PEX5L: variants seen among roughly 807,000 people sequenced by gnomAD.
PEX5L encodes PEX5-related protein.
A neutral mutation model predicts 84.0 loss-of-function variants in PEX5L; 30 were observed. The ratio of observed to expected loss-of-function variants is 0.36; its 90% CI spans 0.27 to 0.48. The LOEUF (loss-of-function observed/expected upper bound fraction) is 0.48, where lower values mean the gene tolerates loss of function less well. PEX5L is among the 20% of genes least tolerant of loss of function. PEX5L has a pLI of 0.99. For missense variants in PEX5L, 533 were observed against 754.6 expected (o/e 0.71, Z 3.44); for synonymous variants, 270 against 283.1 (o/e 0.95, Z 0.46).
chr3:179,936,600 T>G (rs1774699824), intron 2 of PEX5L, among the ~76,000 whole-genome samples: 1 of 36,830 alleles, frequency 2.7e-5, no homozygotes, highest in African/African-American at 1.0e-4. Context: ...AAACCTTCAA[T>G]TTGTAAAGGA....
At chr3:180,001,947 C>T (rs758308494) in intron 1 of PEX5L, among the ~76,000 whole-genome samples, 3 of 152,078 alleles carry the variant, frequency 2.0e-5, no homozygotes, top group Admixed American at 6.6e-5. Flanking sequence ...TACATATAGA[C>T]GTTAGCTGGG....
chr3:179,809,368 G>A, intron 12 of PEX5L, 103 bp downstream of exon 12: 1 of 822,072 alleles, frequency 1.2e-6, no homozygotes, highest in Non-Finnish European at 2.1e-6. Context: ...AAACCATTCT[G>A]GAGTGGGTGG....
intron 4 of PEX5L, among the ~76,000 whole-genome samples, 154 bp downstream of exon 4, chr3:179,887,519 G>T (rs1447753979): frequency 6.6e-6 from 1 of 152,170 alleles, no homozygotes; most frequent in Admixed American, 6.5e-5. Context: ...CAATTTCTGT[G>T]ATTTATTGGT....
chr3:179,978,983 C>T (rs967999688), intron 1 of PEX5L, among the ~76,000 whole-genome samples: 2 of 152,250 alleles, frequency 1.3e-5, no homozygotes, highest in African/African-American at 4.8e-5. Context: ...CTATGAAAAA[C>T]AGCAAACAAC....
At chr3:179,967,710 T>C (rs1783706406) in intron 2 of PEX5L, among the ~76,000 whole-genome samples, 1 of 152,122 alleles carries the variant, frequency 6.6e-6, no homozygotes, top group African/African-American at 2.4e-5. Context: ...GGTTGAAGAA[T>C]GTTAAATTTA....
At chr3:179,832,400 G>T (rs1733397615) in intron 8 of PEX5L, among the ~76,000 whole-genome samples, 3 of 116,190 alleles carry the variant, frequency 2.6e-5, no homozygotes, top group Admixed American at 8.9e-5. Context: ...ACCAACCTTT[G>T]TATTTACTTA....
chr3:180,020,813 T>A (rs1230547190), intron 1 of PEX5L, among the ~76,000 whole-genome samples: 1 of 152,210 alleles, frequency 6.6e-6, no homozygotes, highest in African/African-American at 2.4e-5. Context: ...AAATGCTTAA[T>A]CTATACTAGT....
intron 7 of PEX5L, among the ~76,000 whole-genome samples, chr3:179,862,085 G>T (rs904259711): frequency 2.0e-5 from 3 of 152,180 alleles, no homozygotes; most frequent in African/African-American, 7.2e-5. Flanking sequence ...TGAAGGCTCT[G>T]GGGGAGAATC....
At chr3:179,802,863 GT>G (rs201967991) in intron 14 of PEX5L, among the ~76,000 whole-genome samples, 61 of 145,918 alleles carry the variant, frequency 4.2e-4, no homozygotes, top group South Asian at 2.0e-3. Flanking sequence ...CAAATTTCTT[GT>G]TTTTTTTTTT....
intron 1 of PEX5L, among the ~76,000 whole-genome samples, chr3:180,009,516 T>C (rs1266261656): frequency 6.6e-6 from 1 of 151,764 alleles, no homozygotes; most frequent in Non-Finnish European, 1.5e-5. Flanking sequence ...GTAAAAATGA[T>C]CAAGGAAGCA....
intron 8 of PEX5L, among the ~76,000 whole-genome samples, chr3:179,841,547 T>G (rs1221281893): frequency 6.6e-6 from 1 of 152,242 alleles, no homozygotes; most frequent in African/African-American, 2.4e-5. Flanking sequence ...AAGGCAGAGA[T>G]GGTGTCTCTT....
intron 3 of PEX5L, among the ~76,000 whole-genome samples, chr3:179,888,413 T>G (rs750137264): frequency 6.6e-6 from 1 of 152,232 alleles, no homozygotes; most frequent in Non-Finnish European, 1.5e-5. Flanking sequence ...TTATAAAATC[T>G]ATTTGTAAAA....
chr3:179,997,080 G>T (rs550572551), intron 1 of PEX5L, among the ~76,000 whole-genome samples: 15 of 152,244 alleles, frequency 9.9e-5, no homozygotes, highest in African/African-American at 3.6e-4. Context: ...ATGAAGGGGA[G>T]GCTGGGTCCC....
At chr3:179,941,984 G>A (rs180788441) in intron 2 of PEX5L, among the ~76,000 whole-genome samples, 80 of 126,652 alleles carry the variant, frequency 6.3e-4, no homozygotes, top group Admixed American at 6.1e-3. Flanking sequence ...TCGCGCCACT[G>A]CACTCCAACC....
At chr3:179,834,679 C>T (rs9864111) in intron 8 of PEX5L, among the ~76,000 whole-genome samples, 1,801 of 152,212 alleles carry the variant, frequency 0.012, 38 homozygotes, top group African/African-American at 0.041. Context: ...CATATAATTA[C>T]TATAGAGGAC....
chr3:179,888,401 G>T (rs571421643), intron 3 of PEX5L, among the ~76,000 whole-genome samples: 1 of 151,930 alleles, frequency 6.6e-6, no homozygotes, highest in Non-Finnish European at 1.5e-5. Context: ...TAGTACATGC[G>T]TTTATAAAAT....
intron 2 of PEX5L, among the ~76,000 whole-genome samples, chr3:179,906,846 T>C (rs1763398983): frequency 6.6e-6 from 1 of 152,118 alleles, no homozygotes; most frequent in African/African-American, 2.4e-5. Context: ...CTTGCACAAA[T>C]GGAGGGACAT....
At chr3:179,967,008 T>C (rs1022773823) in intron 2 of PEX5L, among the ~76,000 whole-genome samples, 1 of 152,306 alleles carries the variant, frequency 6.6e-6, no homozygotes, top group Middle Eastern at 3.4e-3. Flanking sequence ...ATTTATCTCC[T>C]GACAAAGCCA....
intron 1 of PEX5L, among the ~76,000 whole-genome samples, chr3:180,016,604 C>T (rs1316615027): frequency 6.6e-6 from 1 of 152,146 alleles, no homozygotes; most frequent in Non-Finnish European, 1.5e-5. Flanking sequence ...CAGCTGGAGC[C>T]AGAGGGGCTC....
Sources: allele counts gnomAD v4.1 joint callset (sites outside exome capture counted in the v4.1 genomes callset), GRCh38; gene constraint gnomAD v4.1.1; transcripts MANE v1.5; gene names NCBI Gene and HGNC (gene_info 2026-07-23, HGNC 2026-07-21).